Variants in PHC1 observed in about 807,000 individuals in gnomAD.
PHC1 encodes polyhomeotic-like protein 1.
A neutral mutation model predicts 104.3 loss-of-function variants in PHC1; 12 were observed. The ratio of observed to expected loss-of-function variants is 0.12; its 90% CI spans 0.07 to 0.19. The LOEUF is 0.19. Ranked by LOEUF, PHC1 falls within the 10% of genes least tolerant of loss-of-function variation. PHC1 has a pLI of 1.00. For synonymous variants in PHC1, 302 were observed against 455.8 expected, an observed-to-expected ratio of 0.66 and a Z score of 4.30; for missense variants, 671 against 1,200.0, an observed-to-expected ratio of 0.56 and a Z score of 6.51.
intron 1 of PHC1, among the ~76,000 whole-genome samples, chr12:8,916,675 T>G (rs1000135901): frequency 5.3e-5 from 8 of 152,122 alleles, no homozygotes; most frequent in African/African-American, 1.9e-4. Flanking sequence ...GACATGTTAG[T>G]AGATTATAAA....
At chr12:8,936,009 C>T (rs943760536) in intron 11 of PHC1, among the ~76,000 whole-genome samples, 2 of 152,190 alleles carry the variant, frequency 1.3e-5, no homozygotes, top group Non-Finnish European at 2.9e-5. Flanking sequence ...GGTGATCCGC[C>T]CGCCTTGGCC....
chr12:8,922,499 G>A lies in PHC1; in HGVS notation c.457-134G>A, dbSNP rs576601217. The A allele has an allele frequency of 3.6e-5, 25 of 689,230 alleles. 2 individuals carry two copies. The South Asian group carries it at 4.8e-4, about 13-fold the overall frequency. The allele number at this position is 689,230 out of a possible 1,614,324, so 42.7% of individuals were successfully genotyped here. ...CATGTGGAGAATATGAGGCTCCTGGGTTGGTGTGGAAGAGGCAGGGCTCAG... is the reference window on the plus strand; with the variant it reads ...CATGTGGAGAATATGAGGCTCCTGGATTGGTGTGGAAGAGGCAGGGCTCAG... On this transcript the variant is annotated intron_variant, in intron 5 of 14. Transcript: ENST00000544916.
chr12:8,917,347 G>A (rs954267791), intron 1 of PHC1, among the ~76,000 whole-genome samples: 2 of 152,164 alleles, frequency 1.3e-5, no homozygotes, highest in Non-Finnish European at 2.9e-5. Context: ...GTATTGTAAG[G>A]TGCCATCTCA....
In PHC1 at chr12:8,917,624, C is replaced by T; in HGVS notation, c.-48-6C>T. Reference sequence around the variant, plus strand: ...TAAATTTTAACCTTTTACTGCTTCCCTCTAGGTCTTGAGTCAGACAGAGCA... The same window carrying T: ...TAAATTTTAACCTTTTACTGCTTCCTTCTAGGTCTTGAGTCAGACAGAGCA... On this transcript the variant is annotated splice_region_variant and splice_polypyrimidine_tract_variant and intron_variant, in intron 1 of 14. Coordinates refer to ENST00000544916, the MANE Select transcript of PHC1 (RefSeq NM_004426.3). 1.2e-6 allele frequency: 1 copy of T among 803,674 alleles called. No individual in the cohort carries two copies. The highest frequency in any genetic ancestry group is 1.9e-6 in the Non-Finnish European group (1 of 520,366). 49.8% of individuals were successfully genotyped at this position (803,674 alleles called of 1,614,324 possible).
intron 6 of PHC1, among the ~76,000 whole-genome samples, chr12:8,925,327 C>T (rs1215996144): frequency 2.0e-5 from 3 of 152,166 alleles, no homozygotes; most frequent in Non-Finnish European, 2.9e-5. Context: ...ATATATCAAA[C>T]ATTCCTTAGC....
At position 8,930,569 on chromosome 12, in the gene PHC1, G is replaced by A. The variant is rs202002156; in HGVS notation, c.747G>A (p.Ala249=). The A allele has an allele frequency of 6.8e-5, 107 of 1,568,800 alleles. No homozygotes were observed. Among genetic ancestry groups the A allele is most frequent in the Non-Finnish European group, 8.5e-5 (98 of 1,156,092 alleles). ...SLSQASSQAL[A]VAQASSGATN... ...CCCAGGCCTCTAGCCAGGCCCTAGC[G>A]GTGGCACAGGCTTCCTCTGGGGCCA... Residue 249 remains alanine, a synonymous_variant, in exon 7 of 15, where the codon GCG becomes GCA. Transcript: ENST00000544916.
intron 6 of PHC1, among the ~76,000 whole-genome samples, chr12:8,923,083 T>C (rs1394731762): frequency 6.6e-6 from 1 of 152,220 alleles, no homozygotes; most frequent in African/African-American, 2.4e-5. Flanking sequence ...GTTTGTTTTA[T>C]TCGGAGAGTC....
chr12:8,933,860 T>G lies in PHC1; in HGVS notation c.1894-5T>G. On this transcript the variant is annotated splice_polypyrimidine_tract_variant and splice_region_variant and intron_variant, in intron 8 of 14. Coordinates refer to ENST00000544916, the MANE Select transcript of PHC1 (RefSeq NM_004426.3). ...TTTGTTTCTTTCCTATTCTTTACGG[T>G]ATAGGGTAAACCCCAGACATTGGCT... 1 of 1,611,522 alleles carries G rather than the reference T, an allele frequency of 6.2e-7. No homozygotes were observed. The highest frequency in any genetic ancestry group is 1.1e-5 in the South Asian group (1 of 91,014).
intron 7 of PHC1, 115 bp from the exon 8 acceptor site, chr12:8,932,448 C>T (rs1340779157): frequency 3.6e-5 from 39 of 1,081,008 alleles, no homozygotes; most frequent in Admixed American, 4.8e-5. Context: ...TTCTTTTCAC[C>T]GCATAATTCC....
intron 12 of PHC1, 98 bp downstream of exon 12, chr12:8,937,062 T>G (rs771881812): frequency 7.2e-7 from 1 of 1,397,004 alleles, no homozygotes; most frequent in Non-Finnish European, 1.0e-6. Flanking sequence ...ATTTTATGTC[T>G]CCCTCCTTGC....
chr12:8,937,963 T>C lies in PHC1; in HGVS notation c.2763T>C (p.Pro921=). The change falls in exon 14 of 15, where the codon CCT becomes CCC. Residue 921 remains proline (P), a synonymous_variant. Transcript: ENST00000544916. ...RDLGNPNTAP[P]TPELHGINPV... is the part of the protein sequence containing the mutation. ...TGGGGAATCCCAATACAGCTCCACC[T>C]ACACCGGAATTACATGGCATCAACC... 4 of 1,603,584 alleles carry C rather than the reference T, an allele frequency of 2.5e-6. No individual in the cohort carries two copies. The highest frequency in any genetic ancestry group is 3.4e-6 in the Non-Finnish European group (4 of 1,170,742).
intron 13 of PHC1, 147 bp downstream of exon 13, chr12:8,937,473 T>C (rs1945872269): frequency 2.6e-6 from 2 of 757,278 alleles, no homozygotes; most frequent in Middle Eastern, 3.4e-4. Context: ...CAAGAGATCC[T>C]GACCCCCTTT....
chr12:8,934,365 A>G lies in PHC1; in HGVS notation c.2140A>G (p.Met714Val), dbSNP rs2137122415. The G allele has an allele frequency of 6.2e-7, 1 of 1,612,906 alleles. No individual in the cohort carries two copies. Among genetic ancestry groups the G allele is most frequent in the Non-Finnish European group, 8.5e-7 (1 of 1,178,902 alleles). ...APSVPPPTLA[M>V]VSRQMGDSKP... ...TTCAGTACCGCCTCCTACACTAGCC[A>G]TGGTGTCTAGACAAATGGGTGACTC... The change falls in exon 10 of 15, where the codon ATG becomes GTG. Residue 714 changes from methionine (M) to valine (V), a missense_variant. Physicochemically the swap from Met to Val is conservative, Grantham distance 21. Around this residue, in one of 9 missense-constraint regions of PHC1, gnomAD observed 29 missense variants for 78.0 expected, o/e 0.37. Transcript: ENST00000544916.
At chr12:8,933,563 A>G (rs972721633) in intron 8 of PHC1, 3 of 705,088 alleles carry the variant, frequency 4.3e-6, no homozygotes, top group Middle Eastern at 4.0e-4. Flanking sequence ...GTTTTTGGGT[A>G]TGTAATAAGT....
At chr12:8,934,673 A>G (rs956910135) in intron 10 of PHC1, among the ~76,000 whole-genome samples, 195 bp downstream of exon 10, 4 of 152,194 alleles carry the variant, frequency 2.6e-5, no homozygotes, top group South Asian at 2.1e-4. Flanking sequence ...GGAAGAGGAG[A>G]AAAAAAGGAA....
intron 5 of PHC1, among the ~76,000 whole-genome samples, chr12:8,922,181 T>A (rs376363689): frequency 6.6e-6 from 1 of 152,172 alleles, no homozygotes; most frequent in Non-Finnish European, 1.5e-5. Context: ...CTTCCCATAC[T>A]TTACTTAACC....
chr12:8,915,220 T>G (rs1318846157), intron 1 of PHC1: 1 of 152,616 alleles, frequency 6.6e-6, no homozygotes, highest in Non-Finnish European at 1.5e-5. Flanking sequence ...CCCAGCTCAC[T>G]TGGGTCAGTT....
At chr12:8,937,039 T>C (rs770786120) in intron 12 of PHC1, 75 bp downstream of exon 12, 58 of 1,386,306 alleles carry the variant, frequency 4.2e-5, no homozygotes, top group Non-Finnish European at 5.9e-5. Context: ...CCCAGGATCG[T>C]CTCATAGCTG....
intron 1 of PHC1, chr12:8,915,956 G>GT (rs887200413): frequency 6.5e-6 from 1 of 154,356 alleles, no homozygotes; most frequent in Non-Finnish European, 1.5e-5. Flanking sequence ...TAGCAAAGGG[G>GT]TCTCGTGTCT....
Sources: allele counts gnomAD v4.1 joint callset (sites outside exome capture counted in the v4.1 genomes callset), GRCh38; gene constraint gnomAD v4.1.1; regional missense constraint gnomAD v4.1.1; transcripts MANE v1.5; gene names NCBI Gene and HGNC (gene_info 2026-07-23, HGNC 2026-07-21).